TMEM217B: variants seen among roughly 807,000 people sequenced by gnomAD.
The protein encoded by TMEM217B is putative transmembrane protein 217B.
At chr6:37,215,072 C>A in the TMEM217B span, 1 of 1,271,874 alleles carries the variant, frequency 7.9e-7, no homozygotes, top group African/African-American at 1.5e-5. Context: ...GGTTCCACAG[C>A]TCTGCTGCCC....
the TMEM217B span, among the ~76,000 whole-genome samples, chr6:37,253,554 T>C: frequency 6.6e-6 from 1 of 152,188 alleles, no homozygotes; most frequent in Non-Finnish European, 1.5e-5. Context: ...ACTATAAAGC[T>C]CTCTTGCTGT....
chr6:37,244,787 T>G, the TMEM217B span, among the ~76,000 whole-genome samples: 1 of 152,250 alleles, frequency 6.6e-6, no homozygotes. Flanking sequence ...TGGGCTGAGC[T>G]GAGCTGATCT....
chr6:37,253,603 A>G, the TMEM217B span, among the ~76,000 whole-genome samples: 1 of 152,178 alleles, frequency 6.6e-6, no homozygotes, highest in Non-Finnish European at 1.5e-5. Flanking sequence ...TAGGTGGCCC[A>G]ACATTGCACA....
chr6:37,220,318 C>T, the TMEM217B span, among the ~76,000 whole-genome samples: 1 of 152,162 alleles, frequency 6.6e-6, no homozygotes, highest in East Asian at 1.9e-4. Context: ...ATTATGACAG[C>T]AATGCAGGGT....
the TMEM217B span, among the ~76,000 whole-genome samples, chr6:37,220,632 A>C: frequency 3.3e-5 from 5 of 152,128 alleles, no homozygotes; most frequent in Admixed American, 6.5e-5. Context: ...GTCGTCCTAA[A>C]CTGAAAGTGT....
the TMEM217B span, chr6:37,212,408 G>A: frequency 2.5e-6 from 1 of 401,370 alleles, no homozygotes; most frequent in South Asian, 1.8e-5. Context: ...CTGGCATCTG[G>A]CATGGTTCAG....
chr6:37,220,953 T>C, the TMEM217B span, among the ~76,000 whole-genome samples: 2 of 152,210 alleles, frequency 1.3e-5, no homozygotes, highest in East Asian at 1.9e-4. Flanking sequence ...ATATATAATA[T>C]ATATACAAGA....
At chr6:37,235,341 T>C in the TMEM217B span, among the ~76,000 whole-genome samples, 1 of 152,148 alleles carries the variant, frequency 6.6e-6, no homozygotes, top group Non-Finnish European at 1.5e-5. Flanking sequence ...CTGGGTAATA[T>C]ATAAAGAATA....
the TMEM217B span, among the ~76,000 whole-genome samples, chr6:37,216,549 G>A: frequency 1.3e-5 from 2 of 152,130 alleles, no homozygotes; most frequent in Non-Finnish European, 2.9e-5. Flanking sequence ...TGTGGAAGAA[G>A]GAGTCTGGGA....
chr6:37,221,190 C>G, the TMEM217B span, among the ~76,000 whole-genome samples: 1 of 143,496 alleles, frequency 7.0e-6, no homozygotes, highest in Non-Finnish European at 1.5e-5. Flanking sequence ...TAAGTGGAGT[C>G]TTTTTTTTTT....
chr6:37,220,111 C>T, the TMEM217B span, among the ~76,000 whole-genome samples: 2 of 151,978 alleles, frequency 1.3e-5, no homozygotes, highest in African/African-American at 2.4e-5. Context: ...TAAATAGAAG[C>T]GCGTAAGTCA....
At chr6:37,252,144 C>T in the TMEM217B span, among the ~76,000 whole-genome samples, 2 of 152,216 alleles carry the variant, frequency 1.3e-5, no homozygotes, top group Admixed American at 6.5e-5. Context: ...CCGCCTGCCT[C>T]GGCCTCCCAA....
chr6:37,243,624 GT>G, the TMEM217B span, among the ~76,000 whole-genome samples: 1 of 152,186 alleles, frequency 6.6e-6, no homozygotes, highest in African/African-American at 2.4e-5. Flanking sequence ...TTGAGACAGA[GT>G]TTCTCTCTTG....
chr6:37,244,284 T>C, the TMEM217B span, among the ~76,000 whole-genome samples: 1 of 152,258 alleles, frequency 6.6e-6, no homozygotes, highest in Admixed American at 6.5e-5. Context: ...AGGAGTCAAC[T>C]GTGTCAGATT....
At chr6:37,212,580 C>G in the TMEM217B span, 5 of 470,056 alleles carry the variant, frequency 1.1e-5, no homozygotes, top group Admixed American at 2.3e-5. Context: ...AGTGCAGGAG[C>G]ATGTGTGAGA....
the TMEM217B span, among the ~76,000 whole-genome samples, chr6:37,226,323 C>G: frequency 1.9e-5 from 2 of 107,210 alleles, no homozygotes; most frequent in African/African-American, 3.5e-5. Flanking sequence ...GACAGAGTCT[C>G]GCTCTTTCGC....
At chr6:37,233,656 T>C in the TMEM217B span, among the ~76,000 whole-genome samples, 1 of 152,210 alleles carries the variant, frequency 6.6e-6, no homozygotes, top group Non-Finnish European at 1.5e-5. Flanking sequence ...TGGAGGGACA[T>C]ATACATTCTA....
the TMEM217B span, chr6:37,257,769 C>A: frequency 3.7e-6 from 3 of 811,506 alleles, no homozygotes; most frequent in Non-Finnish European, 5.9e-6. Flanking sequence ...TGGAGGGGTG[C>A]CCACATCCAA....
the TMEM217B span, among the ~76,000 whole-genome samples, chr6:37,255,492 G>A: frequency 6.6e-6 from 1 of 152,090 alleles, no homozygotes; most frequent in Non-Finnish European, 1.5e-5. Context: ...GGACCAGCCT[G>A]GGCAACATGG....
Sources: allele counts gnomAD v4.1 joint callset (sites outside exome capture counted in the v4.1 genomes callset), GRCh38; gene constraint gnomAD v4.1.1; transcripts MANE v1.5; gene names NCBI Gene and HGNC (gene_info 2026-07-23, HGNC 2026-07-21).